The following CSMD1 variants were observed in gnomAD, a reference collection of about 807,000 sequenced individuals.
The protein encoded by CSMD1 is CUB and sushi domain-containing protein 1.
In CSMD1, 213 loss-of-function variants were observed where a neutral mutation model predicts 417.5. The ratio of observed to expected loss-of-function variants is 0.51; its 90% CI spans 0.46 to 0.57. The LOEUF (loss-of-function observed/expected upper bound fraction) is 0.57, where lower values mean the gene tolerates loss of function less well. CSMD1 is among the 20% of genes least tolerant of loss of function. CSMD1 has a pLI of 0.00. For synonymous variants in CSMD1, 2,862 were observed against 1,736.8 expected, an observed-to-expected ratio of 1.65 and a Z score of -16.11; for missense variants, 6,923 against 4,529.7, an observed-to-expected ratio of 1.53 and a Z score of -15.17.
chr8:3,520,139 G>A (rs1207664234), intron 10 of CSMD1, among the ~76,000 whole-genome samples: 1 of 151,570 alleles, frequency 6.6e-6, no homozygotes, highest in African/African-American at 2.4e-5. Flanking sequence ...TAATTTATAT[G>A]AGAATTACTG....
At chr8:4,338,127 C>T (rs1279643290) in intron 3 of CSMD1, among the ~76,000 whole-genome samples, 7 of 152,036 alleles carry the variant, frequency 4.6e-5, no homozygotes, top group African/African-American at 1.7e-4. Context: ...TTGAGAATTA[C>T]TATGATTTTT....
At chr8:3,673,798 C>A (rs1563259441) in intron 7 of CSMD1, among the ~76,000 whole-genome samples, 1 of 152,160 alleles carries the variant, frequency 6.6e-6, no homozygotes, top group Non-Finnish European at 1.5e-5. Flanking sequence ...ACTGTGGGCA[C>A]TGGAGTGCAA....
chr8:3,573,389 G>A (rs1800021222), intron 10 of CSMD1, among the ~76,000 whole-genome samples: 2 of 152,180 alleles, frequency 1.3e-5, no homozygotes, highest in East Asian at 1.9e-4. Flanking sequence ...TTGTACCACT[G>A]TAGTTGATGT....
chr8:3,146,833 A>G (rs1245662234), intron 40 of CSMD1, among the ~76,000 whole-genome samples: 1 of 152,216 alleles, frequency 6.6e-6, no homozygotes, highest in Non-Finnish European at 1.5e-5. Context: ...ATCCATGGGA[A>G]TGGGCTCTGG....
rs1806228362 is a variant in CSMD1, at chr8:3,322,680, G to C, written c.3632-14177C>G. 3.9e-5 allele frequency among the ~76,000 whole-genome samples: 6 copies of C among 152,296 alleles called. No individual in the cohort carries two copies. In the South Asian group the frequency reaches 1.2e-3, roughly 32 times the overall value. On this transcript the variant is annotated intron_variant, in intron 23 of 69. Coordinates refer to ENST00000635120, the MANE Select transcript of CSMD1 (RefSeq NM_033225.6). The stretch of plus-strand genomic sequence containing the variant: ...CCTCCAGGTGTGGTTGCATTATGGA[G>C]GTGTCAGACTTCATGGCAGTGGAGT...
rs749891533 is a variant in CSMD1 at position 3,689,956 on chromosome 8, A to G, written c.1009+18458T>C. Among the ~76,000 whole-genome samples, 5 of 152,242 alleles carry G rather than the reference A, an allele frequency of 3.3e-5. No individual in the cohort carries two copies. The East Asian group carries it at 9.6e-4, about 29-fold the overall frequency. On this transcript the variant is annotated intron_variant, in intron 7 of 69. Transcript: ENST00000635120. ...CAATTAAGTAGTAAAAGTGCTATAC[A>G]GTGTCACCAGTAAGTACTGACATAT...
At chr8:4,647,663 G>C (rs979559374) in intron 1 of CSMD1, among the ~76,000 whole-genome samples, 29 of 152,132 alleles carry the variant, frequency 1.9e-4, no homozygotes, top group Admixed American at 1.9e-3. Context: ...AGAATATGTG[G>C]TGTTTGGTTT....
At chr8:4,097,567 T>G (rs1391618479) in intron 3 of CSMD1, among the ~76,000 whole-genome samples, 1 of 152,200 alleles carries the variant, frequency 6.6e-6, no homozygotes. Flanking sequence ...GACTACTCAG[T>G]GCAGTATGAT....
At chr8:3,850,741 T>C (rs1025150426) in intron 5 of CSMD1, among the ~76,000 whole-genome samples, 11 of 151,996 alleles carry the variant, frequency 7.2e-5, no homozygotes, top group East Asian at 3.9e-4. Flanking sequence ...AATAAAAAAA[T>C]TGAAATTCGC....
chr8:4,251,123 C>T (rs1046147936), intron 3 of CSMD1, among the ~76,000 whole-genome samples: 19 of 152,050 alleles, frequency 1.2e-4, no homozygotes, highest in African/African-American at 2.7e-4. Context: ...ACCTATAAAT[C>T]ATTTTTTTAA....
At chr8:4,888,147 G>T (rs536712608) in intron 1 of CSMD1, among the ~76,000 whole-genome samples, 2 of 151,826 alleles carry the variant, frequency 1.3e-5, no homozygotes, top group East Asian at 1.9e-4. Context: ...ATATATAAAA[G>T]AGTATATGAA....
At chr8:3,444,811 C>G (rs1302390618) in intron 12 of CSMD1, among the ~76,000 whole-genome samples, 1 of 152,178 alleles carries the variant, frequency 6.6e-6, no homozygotes. Context: ...TAATATGCTT[C>G]TTTTATAGGA....
chr8:3,385,876 T>C (rs13254344), intron 18 of CSMD1, among the ~76,000 whole-genome samples: 72,816 of 151,626 alleles, frequency 0.48, 17,659 homozygotes, highest in Middle Eastern at 0.52. Context: ...GGGCTGGGTA[T>C]GCATAGTCCA....
chr8:3,518,985 A>ATTT (rs1797393650), intron 10 of CSMD1, among the ~76,000 whole-genome samples: 1 of 152,206 alleles, frequency 6.6e-6, no homozygotes, highest in Non-Finnish European at 1.5e-5. Context: ...TTTAAACTGA[A>ATTT]ATATAAATGA....
chr8:4,179,589 A>C lies in CSMD1; in HGVS notation c.416-147490T>G, dbSNP rs374530430. Among the ~76,000 whole-genome samples, 23 of 151,630 alleles carry C rather than the reference A, an allele frequency of 1.5e-4. No individual in the cohort carries two copies. The East Asian group carries it at 4.3e-3, about 28-fold the overall frequency. ...CAAAATTGACAAATGGAATCTAATT[A>C]AACTATAGAGCTTCTGCACAGCAAA... On this transcript the variant is annotated intron_variant, in intron 3 of 69. Transcript: ENST00000635120.
chr8:3,886,919 A>G (rs887235102), intron 5 of CSMD1, among the ~76,000 whole-genome samples: 1 of 152,212 alleles, frequency 6.6e-6, no homozygotes, highest in African/African-American at 2.4e-5. Context: ...ACAGCCAATC[A>G]TCAGGGGACT....
intron 7 of CSMD1, among the ~76,000 whole-genome samples, chr8:3,672,683 G>A (rs1799140390): frequency 6.6e-6 from 1 of 152,148 alleles, no homozygotes; most frequent in African/African-American, 2.4e-5. Flanking sequence ...CTGTTCCCAA[G>A]GCTGTCTCCA....
At chr8:4,245,261 T>G (rs1480407007) in intron 3 of CSMD1, among the ~76,000 whole-genome samples, 1 of 152,176 alleles carries the variant, frequency 6.6e-6, no homozygotes, top group Non-Finnish European at 1.5e-5. Flanking sequence ...CATTACGCAA[T>G]GAATTATATA....
At chr8:4,447,041 A>G (rs535243349) in intron 2 of CSMD1, among the ~76,000 whole-genome samples, 7 of 152,218 alleles carry the variant, frequency 4.6e-5, no homozygotes, top group Admixed American at 4.6e-4. Context: ...AAAAAGGATC[A>G]TCAGCCTGTG....
Sources: allele counts gnomAD v4.1 joint callset (sites outside exome capture counted in the v4.1 genomes callset), GRCh38; gene constraint gnomAD v4.1.1; transcripts MANE v1.5; gene names NCBI Gene and HGNC (gene_info 2026-07-23, HGNC 2026-07-21).